The following EML2 variants were observed in gnomAD, a reference collection of about 807,000 sequenced individuals.
EML2 encodes EMAP like 2.
A neutral mutation model predicts 84.7 loss-of-function variants in EML2; 59 were observed. The observed-to-expected ratio is 0.70, with a 90% CI of 0.56 to 0.86. The LOEUF (loss-of-function observed/expected upper bound fraction) is 0.86, where lower values mean the gene tolerates loss of function less well. Ranked by LOEUF, EML2 falls within the 40% of genes least tolerant of loss-of-function variation. The probability of loss-of-function intolerance (pLI) is 0.00; values close to 1 mark genes in which losing one functional copy is unlikely to be tolerated. For synonymous variants in EML2, 352 were observed against 348.9 expected, an observed-to-expected ratio of 1.01 and a Z score of -0.10; for missense variants, 818 against 855.6, an observed-to-expected ratio of 0.96 and a Z score of 0.55.
upstream of EML2, chr19:45,641,595 T>C: frequency 6.6e-7 from 1 of 1,521,404 alleles, no homozygotes; most frequent in Non-Finnish European, 8.8e-7. Context: ...TCTCGACCAT[T>C]TCCTCCCTAT....
chr19:45,618,938 C>T, intron 12 of EML2, 122 bp downstream of exon 12: 1 of 1,168,890 alleles, frequency 8.6e-7, no homozygotes, highest in Non-Finnish European at 1.1e-6. Flanking sequence ...CAGAGCGAGA[C>T]TCCACCTCGA....
chr19:45,640,400 CTTTTTTT>C (rs796830548), upstream of EML2: 9 of 135,778 alleles, frequency 6.6e-5, no homozygotes, highest in East Asian at 8.2e-4. Context: ...CTTTCTCTCT[CTTTTTTT>C]TTTTGTTTTT....
intron 11 of EML2, chr19:45,621,006 G>C (rs1296888315): frequency 7.4e-6 from 6 of 806,380 alleles, no homozygotes; most frequent in Non-Finnish European, 1.2e-5. Context: ...TGGAGCAGGG[G>C]CCTGGGGCCC....
At chr19:45,632,606 CA>C in intron 6 of EML2, 1 of 486,304 alleles carries the variant, frequency 2.1e-6, no homozygotes, top group African/African-American at 1.9e-5. Context: ...CTGGACATGC[CA>C]AAACCCGCCT....
Position 45,626,808 on chromosome 19 carries a change from A to C in EML2, c.638T>G (p.Phe213Cys). The C allele has an allele frequency of 6.2e-7, 1 of 1,613,720 alleles. No homozygotes were observed. The highest frequency in any genetic ancestry group is 1.7e-5 in the Admixed American group (1 of 59,954). ...AAGCACAGTGGGGTCCGTGGGGTGG[A>C]AGGTGGCCACCAATACAGCCTCATT... The part of the protein sequence containing the change: ...CSNEAVLVAT[F>C]HPTDPTVLIT... Residue 213 changes from phenylalanine (F) to cysteine (C), a missense_variant, in exon 8 of 19, where the codon TTC becomes TGC. Physicochemically the swap from Phe to Cys is radical, Grantham distance 205. Transcript: ENST00000245925.
At chr19:45,614,487 G>T in intron 17 of EML2, 118 bp downstream of exon 17, 2 of 810,484 alleles carry the variant, frequency 2.5e-6, no homozygotes, top group Non-Finnish European at 4.3e-6. Flanking sequence ...CAGCCCACAT[G>T]CAGTAAAGCA....
intron 9 of EML2, among the ~76,000 whole-genome samples, chr19:45,624,251 C>T (rs937820764): frequency 6.6e-6 from 1 of 152,220 alleles, no homozygotes; most frequent in African/African-American, 2.4e-5. Flanking sequence ...GTAACAACCA[C>T]TCATTTGTTC....
Position 45,638,514 on chromosome 19 carries a change from A to G in EML2, c.170T>C (p.Leu57Pro). ...TCCAGCAAAAGGATACACCCACTCC[A>G]GCTTGAGCCGGCAAGAAGGCAGCTC... Reference protein sequence around the residue: ...RSELPSCRLKLEWVYGYRGRD... With the variant: ...RSELPSCRLKPEWVYGYRGRD... The change falls in exon 3 of 19, where the codon CTG (leucine) becomes CCG (proline). Residue 57 changes from leucine (L) to proline (P), a missense_variant. Leu to Pro is a moderately conservative substitution (Grantham distance 98, BLOSUM62 -3). Coordinates refer to ENST00000245925, the MANE Select transcript of EML2 (RefSeq NM_012155.4). 6.2e-7 allele frequency: 1 copy of G among 1,614,054 alleles called. No individual in the cohort carries two copies. Among genetic ancestry groups the G allele is most frequent in the Non-Finnish European group, 8.5e-7 (1 of 1,180,014 alleles).
At chr19:45,643,969 G>A (rs1175961435), upstream of EML2, among the ~76,000 whole-genome samples, 3 of 152,248 alleles carry the variant, frequency 2.0e-5, no homozygotes, top group Admixed American at 2.0e-4. Flanking sequence ...GCTAGTAGGA[G>A]TGTGCAGAGA....
intron 2 of EML2, 25 bp downstream of exon 2, chr19:45,638,820 A>G (rs2122811781): frequency 6.2e-7 from 1 of 1,613,188 alleles, no homozygotes; most frequent in South Asian, 1.1e-5. Flanking sequence ...GCTTCCACCG[A>G]GCCCTTCCCC....
chr19:45,645,157 A>C, upstream of EML2: 3 of 1,204,298 alleles, frequency 2.5e-6, no homozygotes, highest in African/African-American at 1.5e-5. Flanking sequence ...GAGGGAGAGA[A>C]AAGGGGGATC....
In EML2 at chr19:45,609,491, G is replaced by T; in HGVS notation, c.*172C>A. 1.4e-6 allele frequency: 1 copy of T among 690,260 alleles called. No individual in the cohort carries two copies. The highest frequency in any genetic ancestry group is 2.1e-6 in the Non-Finnish European group (1 of 471,494). The allele number at this position is 690,260 out of a possible 1,614,324, so 42.8% of individuals were successfully genotyped here. A position where few individuals can be genotyped will look rare whatever the true frequency, so the allele number is the denominator to read the frequency against. ...CACCAATGGATCCCCAAAGCGATGT[G>T]ACTCCCTCTTCCCACCCGGATAAAT... On this transcript the variant is annotated 3_prime_UTR_variant, in exon 19 of 19. Coordinates refer to ENST00000245925, the MANE Select transcript of EML2 (RefSeq NM_012155.4).
chr19:45,644,350 G>A (rs1974866895), upstream of EML2, among the ~76,000 whole-genome samples: 1 of 152,064 alleles, frequency 6.6e-6, no homozygotes, highest in African/African-American at 2.4e-5. Context: ...AACAGGAATG[G>A]CCACCCTGTC....
intron 7 of EML2, among the ~76,000 whole-genome samples, chr19:45,628,157 G>A (rs191623108): frequency 2.6e-5 from 4 of 151,506 alleles, no homozygotes; most frequent in African/African-American, 9.7e-5. Context: ...GGATCACGAG[G>A]TCAGGAGTTC....
At chr19:45,616,936 G>A (rs1212539500) in intron 13 of EML2, 83 bp from the exon 14 acceptor site, 5 of 1,023,206 alleles carry the variant, frequency 4.9e-6, no homozygotes, top group Non-Finnish European at 7.4e-6. Flanking sequence ...TCTAAGGGAG[G>A]GATCAGAGGG....
chr19:45,611,867 G>GT (rs1246131776), intron 18 of EML2, among the ~76,000 whole-genome samples: 2 of 151,816 alleles, frequency 1.3e-5, no homozygotes, highest in South Asian at 2.1e-4. Flanking sequence ...GTGTGTGTGG[G>GT]TTTTTTTGTT....
At position 45,632,879 on chromosome 19, in the gene EML2, A is replaced by G. The variant is rs1266719877; in HGVS notation, c.492T>C (p.Cys164=). The G allele has an allele frequency of 6.2e-7, 1 of 1,614,062 alleles. No homozygotes were observed. Among genetic ancestry groups the G allele is most frequent in the Admixed American group, 1.7e-5 (1 of 60,014 alleles). ...GACTTACAGATTTGGAGAAGCCCACACAGCACACGGCTCTGTCAAACACCC... is the reference window on the plus strand; with the variant it reads ...GACTTACAGATTTGGAGAAGCCCACGCAGCACACGGCTCTGTCAAACACCC... ...GLGVFDRAVC[C]VGFSKSNGGN... The change falls in exon 6 of 19, where the codon TGT becomes TGC. Residue 164 remains cysteine (C), a synonymous_variant. Transcript: ENST00000245925.
In EML2 at chr19:45,613,562, G is replaced by A; in HGVS notation, c.1803C>T (p.Ser601=). The A allele has an allele frequency of 3.1e-6, 5 of 1,614,090 alleles. No homozygotes were observed. The highest frequency in any genetic ancestry group is 4.2e-6 in the Non-Finnish European group (5 of 1,180,006). ...TCACTCGAGGCTGACAGCAGGGGTA[G>A]CTAAACAGGTGAACTTTGCCAAAGT... is the stretch of plus-strand genomic sequence containing the variant. ...ADDFGKVHLF[S]YPCCQPRALS... is the part of the protein sequence containing the mutation. Residue 601 remains serine, a synonymous_variant, in exon 18 of 19, where the codon AGC becomes AGT. Coordinates refer to ENST00000245925, the MANE Select transcript of EML2 (RefSeq NM_012155.4).
At chr19:45,610,585 C>T (rs1970388700) in intron 18 of EML2, among the ~76,000 whole-genome samples, 2 of 152,120 alleles carry the variant, frequency 1.3e-5, no homozygotes, top group African/African-American at 2.4e-5. Context: ...TGCTTATAAT[C>T]CCAGCACTTT....
Sources: gnomAD v4.1 joint callset for allele counts (sites outside exome capture counted in the v4.1 genomes callset) on GRCh38, gnomAD v4.1.1 for gene constraint, MANE v1.5 for transcripts, NCBI Gene and HGNC (gene_info 2026-07-23, HGNC 2026-07-21) for gene names.